The following ANGPT2 variants were observed in gnomAD, a reference collection of about 807,000 sequenced individuals.
The protein encoded by ANGPT2 is angiopoietin 2.
Under a neutral mutation model 62.9 loss-of-function variants are expected in ANGPT2, and 28 were observed. The ratio of observed to expected loss-of-function variants is 0.44; its 90% CI spans 0.33 to 0.61. The LOEUF (loss-of-function observed/expected upper bound fraction) is 0.61, where lower values mean the gene tolerates loss of function less well. Among genes scored for constraint, ANGPT2 ranks in the 20% least tolerant of loss-of-function variants. ANGPT2 has a pLI of 0.03. For missense variants in ANGPT2, 727 were observed against 594.9 expected, an observed-to-expected ratio of 1.22 and a Z score of -2.31; for synonymous variants, 284 against 207.8, an observed-to-expected ratio of 1.37 and a Z score of -3.15.
At chr8:6,562,220 GTC>G (rs1347044728) in intron 1 of ANGPT2, among the ~76,000 whole-genome samples, 1 of 152,160 alleles carries the variant, frequency 6.6e-6, no homozygotes, top group Non-Finnish European at 1.5e-5. Flanking sequence ...GGTTGTCACG[GTC>G]TCTCTGGCTC....
chr8:6,540,598 A>T (rs1219296715), intron 1 of ANGPT2, among the ~76,000 whole-genome samples: 2 of 152,262 alleles, frequency 1.3e-5, no homozygotes, highest in East Asian at 3.9e-4. Flanking sequence ...TTGTCAGGCC[A>T]CGTCTGCATA....
At chr8:6,538,224 T>C (rs781711368) in intron 1 of ANGPT2, among the ~76,000 whole-genome samples, 14 of 152,326 alleles carry the variant, frequency 9.2e-5, no homozygotes, top group Non-Finnish European at 1.2e-4. Context: ...GGAAACATTT[T>C]ACTGTTGCCC....
At chr8:6,510,110 G>A (rs1318613054) in intron 7 of ANGPT2, among the ~76,000 whole-genome samples, 1 of 152,010 alleles carries the variant, frequency 6.6e-6, no homozygotes, top group Middle Eastern at 3.2e-3. Flanking sequence ...GTACCAGCAA[G>A]GAGCATATAA....
intron 1 of ANGPT2, among the ~76,000 whole-genome samples, chr8:6,538,541 G>A (rs966112141): frequency 6.6e-6 from 1 of 152,118 alleles, no homozygotes; most frequent in Non-Finnish European, 1.5e-5. Flanking sequence ...CTCAGACCTG[G>A]GCGCGCACTG....
rs115682505 is a variant in ANGPT2, at chr8:6,504,965, C to T, written c.1328-1704G>A. 1.5e-3 allele frequency among the ~76,000 whole-genome samples: 234 copies of T among 151,750 alleles called. 1 individual carries two copies. Among genetic ancestry groups the T allele is most frequent in the African/African-American group, 5.6e-3 (233 of 41,394 alleles). On this transcript the variant is annotated intron_variant, in intron 8 of 8. Transcript: ENST00000629816. ...TTAAACTGAATAAATCTCAACAACACTGTGTTGGAGGAACACATACAGTAT... is the reference window on the plus strand; with the variant it reads ...TTAAACTGAATAAATCTCAACAACATTGTGTTGGAGGAACACATACAGTAT...
At chr8:6,535,708 G>A (rs751234855) in intron 1 of ANGPT2, among the ~76,000 whole-genome samples, 1 of 152,090 alleles carries the variant, frequency 6.6e-6, no homozygotes, top group Admixed American at 6.5e-5. Context: ...GAGAAGAATG[G>A]AACAGAACCA....
rs770754818 is a variant in ANGPT2, at chr8:6,499,936, C to T, written c.*3165G>A. ...CCACTTCCCTGCAGCTCCCGTAAGT[C>T]AGATGTTGTTTTACGATGGTAAATG... On this transcript the variant is annotated 3_prime_UTR_variant, in exon 9 of 9. Transcript: ENST00000629816. 6.2e-7 allele frequency: 1 copy of T among 1,612,220 alleles called. No homozygotes were observed. The highest frequency in any genetic ancestry group is 1.7e-5 in the Admixed American group (1 of 60,016).
At chr8:6,504,015 C>G (rs1050505415) in intron 8 of ANGPT2, among the ~76,000 whole-genome samples, 1 of 152,138 alleles carries the variant, frequency 6.6e-6, no homozygotes. Flanking sequence ...ATGGAAAAAT[C>G]TAGAAATATT....
intron 5 of ANGPT2, among the ~76,000 whole-genome samples, chr8:6,517,263 C>T (rs950593454): frequency 2.0e-5 from 3 of 152,152 alleles, no homozygotes; most frequent in Admixed American, 1.3e-4. Context: ...GGTGCAGGAA[C>T]CTGATATCTT....
chr8:6,533,881 G>A (rs1820003891), intron 1 of ANGPT2, among the ~76,000 whole-genome samples: 1 of 152,110 alleles, frequency 6.6e-6, no homozygotes, highest in African/African-American at 2.4e-5. Flanking sequence ...AAATAGGATG[G>A]GAAGGGTAGA....
chr8:6,522,924 T>TA lies in ANGPT2; in HGVS notation c.567-1515dup, dbSNP rs779409479. ...TTTTAATGTGGCCCCATTCCTTCTCTAAAAAATCTAACCAGCGCTATGGCA... is the reference window on the plus strand; with the variant it reads ...TTTTAATGTGGCCCCATTCCTTCTCTAAAAAAATCTAACCAGCGCTATGGCA... On this transcript the variant is annotated intron_variant, in intron 3 of 8. Coordinates refer to ENST00000629816, the MANE Select transcript of ANGPT2 (RefSeq NM_001118887.2). Among the ~76,000 whole-genome samples the TA allele has an allele frequency of 6.6e-4, 100 of 152,258 alleles. 1 individual carries two copies. The highest frequency in any genetic ancestry group is 1.1e-3 in the Non-Finnish European group (77 of 68,012).
intron 7 of ANGPT2, among the ~76,000 whole-genome samples, chr8:6,513,148 G>GT (rs909132274): frequency 8.9e-4 from 135 of 152,204 alleles, no homozygotes; most frequent in African/African-American, 3.2e-3. Flanking sequence ...AAGATACACA[G>GT]TAAACACAAT....
chr8:6,551,419 A>G (rs1432514749), intron 1 of ANGPT2, among the ~76,000 whole-genome samples: 1 of 152,210 alleles, frequency 6.6e-6, no homozygotes, highest in African/African-American at 2.4e-5. Context: ...AAGTTGTCCA[A>G]TTAAAGGAAA....
intron 8 of ANGPT2, among the ~76,000 whole-genome samples, chr8:6,506,666 G>A (rs1563310120): frequency 6.6e-6 from 1 of 152,028 alleles, no homozygotes; most frequent in Non-Finnish European, 1.5e-5. Flanking sequence ...GAAACAGGAA[G>A]CTTTTGCAAA....
intron 1 of ANGPT2, among the ~76,000 whole-genome samples, chr8:6,561,351 C>G (rs1586633022): frequency 6.6e-6 from 1 of 152,188 alleles, no homozygotes; most frequent in African/African-American, 2.4e-5. Flanking sequence ...GACACAGTAA[C>G]CAGTGGTGCT....
rs1817009228 is a variant in ANGPT2, at chr8:6,520,000, A to T, written c.800-9T>A. On this transcript the variant is annotated splice_polypyrimidine_tract_variant and intron_variant, in intron 4 of 8. Transcript: ENST00000629816. ...AACAGTGGGGTCCTTAGCTGCTTTT[A>T]AAAAATAGTAAGGCATTTAAACGGA... 6.2e-7 allele frequency: 1 copy of T among 1,612,698 alleles called. No individual in the cohort carries two copies. The highest frequency in any genetic ancestry group is 1.7e-5 in the Admixed American group (1 of 59,806).
At chr8:6,533,569 C>CTTTT (rs56882906) in intron 1 of ANGPT2, among the ~76,000 whole-genome samples, 12 of 113,342 alleles carry the variant, frequency 1.1e-4, no homozygotes, top group South Asian at 2.9e-4. Flanking sequence ...CGTTTAGTTT[C>CTTTT]TTTTTTTTTT....
chr8:6,527,918 T>G (rs1387292244), intron 2 of ANGPT2, among the ~76,000 whole-genome samples: 1 of 150,752 alleles, frequency 6.6e-6, no homozygotes, highest in African/African-American at 2.5e-5. Context: ...TTTTTTGAGA[T>G]GGAATCTCGC....
At chr8:6,529,623 A>ATTTTTTTTTT (rs35322987) in intron 2 of ANGPT2, among the ~76,000 whole-genome samples, 1 of 120,976 alleles carries the variant, frequency 8.3e-6, no homozygotes, top group Non-Finnish European at 1.7e-5. Flanking sequence ...CGCCTGGCTA[A>ATTTTTTTTTT]TTTTTTTTTT....
Sources: gnomAD v4.1 joint callset for allele counts (sites outside exome capture counted in the v4.1 genomes callset) on GRCh38, gnomAD v4.1.1 for gene constraint, MANE v1.5 for transcripts, NCBI Gene and HGNC (gene_info 2026-07-23, HGNC 2026-07-21) for gene names.